The following HHIPL1 variants were observed in gnomAD, a reference collection of about 807,000 sequenced individuals.
HHIPL1 encodes HHIP like 1.
A neutral mutation model predicts 61.8 loss-of-function variants in HHIPL1; 43 were observed. The observed-to-expected ratio is 0.70, with a 90% CI of 0.55 to 0.90. HHIPL1 has a LOEUF of 0.90. HHIPL1 is among the 40% of genes least tolerant of loss of function. The pLI, the probability that HHIPL1 is intolerant of heterozygous loss-of-function variation, is 0.00. For missense variants in HHIPL1, 1,056 were observed against 1,157.7 expected (o/e 0.91, Z 1.28); for synonymous variants, 482 against 515.8 (o/e 0.93, Z 0.89).
the HHIPL1 span, among the ~76,000 whole-genome samples, chr14:99,615,301 A>C: frequency 6.6e-6 from 1 of 152,162 alleles, no homozygotes; most frequent in South Asian, 2.1e-4. Context: ...TAATCCCAGC[A>C]CTTTAGGAGC....
chr14:99,636,753 C>T, the HHIPL1 span, among the ~76,000 whole-genome samples: 4 of 151,436 alleles, frequency 2.6e-5, no homozygotes, highest in African/African-American at 4.9e-5. Flanking sequence ...TTTGGGAGGC[C>T]GAGGGGGGAG....
chr14:99,618,669 C>A, the HHIPL1 span, among the ~76,000 whole-genome samples: 3 of 152,260 alleles, frequency 2.0e-5, no homozygotes, highest in African/African-American at 7.2e-5. Context: ...TTCCTTCTCT[C>A]TCAAAGATTC....
chr14:99,652,805 G>T lies in HHIPL1; in HGVS notation c.837G>T (p.Trp279Cys). The T allele has an allele frequency of 1.2e-6, 2 of 1,614,136 alleles. No individual in the cohort carries two copies. Among genetic ancestry groups the T allele is most frequent in the Non-Finnish European group, 1.7e-6 (2 of 1,180,052 alleles). ...CAGTGGGTATCCGCAGCAGTGAGTGGATCCGCATCAGCGAGTTCAGAGTCT... is the reference window on the plus strand; with the variant it reads ...CAGTGGGTATCCGCAGCAGTGAGTGTATCCGCATCAGCGAGTTCAGAGTCT... ...YYSVGIRSSE[W>C]IRISEFRVSE... The change falls in exon 2 of 9, where the codon TGG (tryptophan) becomes TGT (cysteine). Residue 279 changes from tryptophan to cysteine, a missense_variant. Transcript: ENST00000330710.
chr14:99,675,426 G>T lies in HHIPL1; in HGVS notation c.2149G>T (p.Gly717Trp). The T allele has an allele frequency of 6.5e-7, 1 of 1,533,970 alleles. No homozygotes were observed. The highest frequency in any genetic ancestry group is 8.7e-7 in the Non-Finnish European group (1 of 1,143,820). The change falls in exon 9 of 9, where the codon GGG becomes TGG. Residue 717 changes from glycine to tryptophan, a missense_variant. Gly to Trp is a radical substitution (Grantham distance 184). Transcript: ENST00000330710. The surrounding 1 kb of genome is among the most constrained non-coding windows in gnomAD (Gnocchi z 5.4). The part of the protein sequence containing the change: ...SGAAVVCRQL[G>W]FAYAVRAVKR... ...CGCCGCCGTCGTGTGTCGCCAGCTGGGGTTTGCCTACGCCGTGCGCGCCGT... is the reference window on the plus strand; with the variant it reads ...CGCCGCCGTCGTGTGTCGCCAGCTGTGGTTTGCCTACGCCGTGCGCGCCGT...
chr14:99,656,340 T>C (rs1223739983), intron 2 of HHIPL1, among the ~76,000 whole-genome samples: 3 of 152,176 alleles, frequency 2.0e-5, no homozygotes, highest in African/African-American at 7.2e-5. Flanking sequence ...CCAGCTCTGC[T>C]ACCTGTGGGC....
chr14:99,627,333 T>C, the HHIPL1 span, among the ~76,000 whole-genome samples: 2 of 145,742 alleles, frequency 1.4e-5, no homozygotes, highest in African/African-American at 5.5e-5. This position sits in a 1 kb window ranked among gnomAD's most constrained non-coding sequence, Gnocchi z 4.4. Context: ...TCCATCCATC[T>C]GCCCATCCAT....
chr14:99,657,064 G>A lies in HHIPL1; in HGVS notation c.967G>A (p.Asp323Asn). 1 of 1,613,776 alleles carries A rather than the reference G, an allele frequency of 6.2e-7. No homozygotes were observed. The highest frequency in any genetic ancestry group is 8.5e-7 in the Non-Finnish European group (1 of 1,179,876). The change falls in exon 3 of 9, where the codon GAC becomes AAC. Residue 323 changes from aspartate (D) to asparagine (N), a missense_variant. Coordinates refer to ENST00000330710, the MANE Select transcript of HHIPL1 (RefSeq NM_001127258.3). ...HNGGQLLFGD[D>N]GYLYIFTGDG... ...CGGGGGCCAGCTGCTTTTCGGGGATGACGGGTACCTCTACATCTTCACTGG... is the reference window on the plus strand; with the variant it reads ...CGGGGGCCAGCTGCTTTTCGGGGATAACGGGTACCTCTACATCTTCACTGG...
the HHIPL1 span, among the ~76,000 whole-genome samples, chr14:99,631,635 T>A: frequency 4.6e-5 from 7 of 152,140 alleles, no homozygotes; most frequent in African/African-American, 1.7e-4. Flanking sequence ...TTCTGGCTCT[T>A]GAGATGGAGT....
At chr14:99,645,769 C>T (rs2055822784) in intron 1 of HHIPL1, among the ~76,000 whole-genome samples, 2 of 152,242 alleles carry the variant, frequency 1.3e-5, no homozygotes, top group African/African-American at 2.4e-5. Flanking sequence ...CTCTTCTGCC[C>T]CAGTCCCCTG....
rs150552640 is a variant in HHIPL1, at chr14:99,662,484, G to A, written c.1503-392G>A. ...GCATTCAGCGGGCAGTAACCAAGCCGGTCTTGTTCGTTCCTGTGGGTGTCT... is the reference window on the plus strand; with the variant it reads ...GCATTCAGCGGGCAGTAACCAAGCCAGTCTTGTTCGTTCCTGTGGGTGTCT... On this transcript the variant is annotated intron_variant, in intron 5 of 8. Coordinates refer to ENST00000330710, the MANE Select transcript of HHIPL1 (RefSeq NM_001127258.3). Among the ~76,000 whole-genome samples, 989 of 152,296 alleles carry A rather than the reference G, an allele frequency of 6.5e-3. 8 individuals are homozygous for A. The highest frequency in any genetic ancestry group is 0.02 in the Middle Eastern group (6 of 294).
At chr14:99,672,671 G>A (rs1447977242) in intron 8 of HHIPL1, among the ~76,000 whole-genome samples, 1 of 152,252 alleles carries the variant, frequency 6.6e-6, no homozygotes, top group East Asian at 1.9e-4. Flanking sequence ...TCTTGGGAGG[G>A]ACAGAGAAAG....
chr14:99,643,675 G>A (rs2055782705), upstream of HHIPL1, among the ~76,000 whole-genome samples: 1 of 152,206 alleles, frequency 6.6e-6, no homozygotes, highest in Admixed American at 6.5e-5. Context: ...CCAGCTGTCT[G>A]TGCAGGAAGC....
At chr14:99,653,627 C>G (rs1006093164) in intron 2 of HHIPL1, among the ~76,000 whole-genome samples, 1 of 152,192 alleles carries the variant, frequency 6.6e-6, no homozygotes, top group African/African-American at 2.4e-5. Context: ...TCCTTTTTCC[C>G]ACCTGAATCC....
At chr14:99,607,317 C>T in the HHIPL1 span, among the ~76,000 whole-genome samples, 1 of 152,094 alleles carries the variant, frequency 6.6e-6, no homozygotes, top group East Asian at 1.9e-4. Flanking sequence ...CTTCTTAAGC[C>T]CCTTGGTCAT....
chr14:99,652,893 G>C, intron 2 of HHIPL1, 23 bp downstream of exon 2: 1 of 1,603,606 alleles, frequency 6.2e-7, no homozygotes, highest in Middle Eastern at 1.7e-4. Context: ...GGGAACCCGG[G>C]CCTGGGTGGG....
At chr14:99,644,110 CCT>C (rs1479260723), upstream of HHIPL1, among the ~76,000 whole-genome samples, 1 of 152,198 alleles carries the variant, frequency 6.6e-6, no homozygotes, top group African/African-American at 2.4e-5. Flanking sequence ...GAGCCACAGA[CCT>C]CTGAGTGCTC....
rs1210395941 is a variant in HHIPL1 at position 99,675,478 on chromosome 14, G to T, written c.2201G>T (p.Gly734Val). ...AVKRAEFGQG[G>V]SLPILLDDVR... ...AAGAGAGCCGAGTTCGGCCAGGGCGGCTCGCTGCCCATTCTGCTGGACGAT... is the reference window on the plus strand; with the variant it reads ...AAGAGAGCCGAGTTCGGCCAGGGCGTCTCGCTGCCCATTCTGCTGGACGAT... Residue 734 changes from glycine to valine, a missense_variant, in exon 9 of 9, where the codon GGC becomes GTC. Coordinates refer to ENST00000330710, the MANE Select transcript of HHIPL1 (RefSeq NM_001127258.3). The surrounding 1 kb of genome is among the most constrained non-coding windows in gnomAD (Gnocchi z 5.4). 7 of 1,541,572 alleles carry T rather than the reference G, an allele frequency of 4.5e-6. No individual in the cohort carries two copies. In the African/African-American group the frequency reaches 9.6e-5, roughly 21 times the overall value.
At chr14:99,640,913 G>T (rs576017495), upstream of HHIPL1, among the ~76,000 whole-genome samples, 169 of 103,378 alleles carry the variant, frequency 1.6e-3, 1 homozygote, top group Middle Eastern at 0.027. Flanking sequence ...TTGAGATAGA[G>T]TATCTCTCTC....
At chr14:99,623,743 C>A in the HHIPL1 span, among the ~76,000 whole-genome samples, 1 of 152,090 alleles carries the variant, frequency 6.6e-6, no homozygotes, top group Non-Finnish European at 1.5e-5. Flanking sequence ...GAAGAAGAGG[C>A]AGAGGCTCCT....
Sources: allele counts gnomAD v4.1 joint callset (sites outside exome capture counted in the v4.1 genomes callset), GRCh38; gene constraint gnomAD v4.1.1; non-coding constraint Gnocchi (gnomAD v3.1); transcripts MANE v1.5; gene names NCBI Gene and HGNC (gene_info 2026-07-23, HGNC 2026-07-21).